FANCA: variants seen among roughly 807,000 people sequenced by gnomAD.
FANCA encodes the protein Fanconi anemia group A protein.
FANCA carries 236 observed loss-of-function variants against 194.3 expected under a neutral mutation model. That is an observed-to-expected ratio of 1.21 (90% confidence interval 1.09 to 1.35). The LOEUF is 1.35. Ranked by LOEUF, FANCA falls within the 40% of genes most tolerant of loss-of-function variation. The pLI, the probability that FANCA is intolerant of heterozygous loss-of-function variation, is 0.00. For missense variants in FANCA, 2,628 were observed against 1,813.9 expected, an observed-to-expected ratio of 1.45 and a Z score of -8.15; for synonymous variants, 1,014 against 715.8, an observed-to-expected ratio of 1.42 and a Z score of -6.65.
At position 89,766,505 on chromosome 16, in the gene FANCA, T is replaced by C. The variant is rs527734734; in HGVS notation, c.2601+636A>G. Among the ~76,000 whole-genome samples, 16 of 150,550 alleles carry C rather than the reference T, an allele frequency of 1.1e-4. 1 individual carries two copies. The South Asian group carries it at 3.2e-3, about 30-fold the overall frequency. On this transcript the variant is annotated intron_variant, in intron 27 of 42. Transcript: ENST00000389301. ...CGGGTGGATCACTTGAGGTCAGGAG[T>C]TCGAAAACAGCCTGGCCAACATGGT...
rs17227191 is a variant in FANCA, at chr16:89,746,798, A to G, written c.3408+33T>C. ...GAGGATCCACCCACGGCGTTCTGAG[A>G]AGGCCACGAGAGGGGCTGAGGGAGC... is the stretch of plus-strand genomic sequence containing the variant. On this transcript the variant is annotated intron_variant, in intron 34 of 42. Coordinates refer to ENST00000389301, the MANE Select transcript of FANCA (RefSeq NM_000135.4). 6,504 of 1,576,166 alleles carry G rather than the reference A, an allele frequency of 4.1e-3. 115 individuals carry two copies. In the African/African-American group the frequency reaches 0.055, roughly 13 times the overall value.
rs1439884558 is a variant in FANCA at position 89,805,507 on chromosome 16, G to A, written c.597-115C>T. ...GAGACAGTTTTTTGCTGTCACTGAG[G>A]CTGGAGTGCAGTGGCGCAATCAGTC... On this transcript the variant is annotated intron_variant, in intron 6 of 42. Coordinates refer to ENST00000389301, the MANE Select transcript of FANCA (RefSeq NM_000135.4). The A allele has an allele frequency of 1.1e-5, 8 of 739,522 alleles. 1 individual carries two copies. The East Asian group carries it at 2.0e-4, about 18-fold the overall frequency. 45.8% of individuals were successfully genotyped at this position (739,522 alleles called of 1,614,324 possible).
chr16:89,791,758 C>A, intron 13 of FANCA, 169 bp downstream of exon 13: 2 of 1,001,550 alleles, frequency 2.0e-6, no homozygotes, highest in Non-Finnish European at 3.0e-6. Context: ...GCAGTCAGTG[C>A]TTATGGAAGC....
rs143496635 is a variant in FANCA at position 89,786,577 on chromosome 16, A to G, written c.1360-1613T>C. The stretch of plus-strand genomic sequence containing the variant: ...AGTGATCCACCTGCCTCGGCCTTCC[A>G]AAGTGCTGGGATTACAGGCATGAAC... On this transcript the variant is annotated intron_variant, in intron 14 of 42. Transcript: ENST00000389301. Among the ~76,000 whole-genome samples the G allele has an allele frequency of 1.8e-3, 277 of 152,316 alleles. 1 individual carries two copies. The highest frequency in any genetic ancestry group is 4.6e-3 in the South Asian group (22 of 4,826).
chr16:89,808,337 G>T lies in FANCA; in HGVS notation c.553C>A (p.Leu185Ile), dbSNP rs587778323. The change falls in exon 6 of 43, where the codon CTT becomes ATT. Residue 185 changes from leucine (L) to isoleucine (I), a missense_variant. Physicochemically the swap from Leu to Ile is conservative, Grantham distance 5. Coordinates refer to ENST00000389301, the MANE Select transcript of FANCA (RefSeq NM_000135.4). ...AGGCTCACAATGCCTTGTACGTGAA[G>T]ATGCCACACCGCTTCAAGCAACAAA... ...SSLLLEAVWH[L>I]HVQGIVSLQE... 2.1e-5 allele frequency: 34 copies of T among 1,613,988 alleles called. 1 individual carries two copies. The highest frequency in any genetic ancestry group is 3.3e-4 in the Middle Eastern group (2 of 6,084).
At position 89,746,689 on chromosome 16, in the gene FANCA, C is replaced by G. The variant is rs1270069832; in HGVS notation, c.3409-1G>C. 1 of 1,613,946 alleles carries G rather than the reference C, an allele frequency of 6.2e-7. No individual in the cohort carries two copies. Among genetic ancestry groups the G allele is most frequent in the South Asian group, 1.1e-5 (1 of 91,066 alleles). On this transcript the variant is annotated splice_acceptor_variant, in intron 34 of 42. Transcript: ENST00000389301. LOFTEE classifies it high-confidence loss of function. The stretch of plus-strand genomic sequence containing the variant: ...TCCGCAGACAGGCGTTCAGGAGGCC[C>G]TGCAGGAGAGAACGCAGCAGGAGGT...
chr16:89,791,335 G>C (rs944248435), intron 14 of FANCA, 68 bp downstream of exon 14: 10 of 1,567,318 alleles, frequency 6.4e-6, no homozygotes, highest in East Asian at 2.3e-5. Flanking sequence ...GGTGGGGACA[G>C]CATGGTCCCC....
In FANCA at chr16:89,740,108, C is replaced by A. The variant is rs776077648; in HGVS notation, c.3829-9G>T. ...GGCAGGTCTGTGGTGCTCTGTAAACCGCAGGAGACCAACCCTGAGAATGGC... is the reference window on the plus strand; with the variant it reads ...GGCAGGTCTGTGGTGCTCTGTAAACAGCAGGAGACCAACCCTGAGAATGGC... On this transcript the variant is annotated splice_polypyrimidine_tract_variant and intron_variant, in intron 38 of 42. Coordinates refer to ENST00000389301, the MANE Select transcript of FANCA (RefSeq NM_000135.4). The A allele has an allele frequency of 4.3e-6, 7 of 1,612,690 alleles. No individual in the cohort carries two copies. Among genetic ancestry groups the A allele is most frequent in the African/African-American group, 1.3e-5 (1 of 74,872 alleles).
intron 26 of FANCA, among the ~76,000 whole-genome samples, chr16:89,768,483 C>T (rs1279381404): frequency 6.6e-6 from 1 of 152,048 alleles, no homozygotes; most frequent in Non-Finnish European, 1.5e-5. Context: ...TGGCAAAACC[C>T]CATCTCTACT....
intron 27 of FANCA, among the ~76,000 whole-genome samples, chr16:89,766,730 T>A (rs1392631470): frequency 1.3e-5 from 2 of 151,474 alleles, no homozygotes; most frequent in African/African-American, 4.9e-5. Flanking sequence ...AAAAAAAAAA[T>A]TCCTTTGTCT....
At chr16:89,793,241 C>T (rs12600229) in intron 11 of FANCA, among the ~76,000 whole-genome samples, 8,995 of 152,182 alleles carry the variant, frequency 0.059, 413 homozygotes, top group East Asian at 0.22. Flanking sequence ...GACCACGATC[C>T]GCTTGGTGAC....
chr16:89,773,958 A>G lies in FANCA; in HGVS notation c.1901-574T>C, dbSNP rs548515711. Among the ~76,000 whole-genome samples, 40 of 151,920 alleles carry G rather than the reference A, an allele frequency of 2.6e-4. No homozygotes were observed. The East Asian group carries it at 7.1e-3, about 27-fold the overall frequency. On this transcript the variant is annotated intron_variant, in intron 21 of 42. Coordinates refer to ENST00000389301, the MANE Select transcript of FANCA (RefSeq NM_000135.4). ...CTAATTTTTTGTATTTTTAGTAGAGACGGGATTTCACCACGTTGGCCAAGA... is the reference window on the plus strand; with the variant it reads ...CTAATTTTTTGTATTTTTAGTAGAGGCGGGATTTCACCACGTTGGCCAAGA...
intron 8 of FANCA, among the ~76,000 whole-genome samples, chr16:89,799,921 G>C (rs1406107462): frequency 1.3e-5 from 2 of 152,202 alleles, no homozygotes; most frequent in African/African-American, 4.8e-5. Context: ...GTGAACCCGG[G>C]AGGCAGAGCT....
chr16:89,809,552 A>C (rs1441803723), intron 5 of FANCA, among the ~76,000 whole-genome samples: 1 of 151,554 alleles, frequency 6.6e-6, no homozygotes, highest in Non-Finnish European at 1.5e-5. Flanking sequence ...CATCTCTACT[A>C]AAGATACAAA....
intron 11 of FANCA, among the ~76,000 whole-genome samples, chr16:89,795,024 C>T (rs995117888): frequency 4.6e-5 from 7 of 152,216 alleles, no homozygotes; most frequent in East Asian, 1.9e-4. Flanking sequence ...GCGGCACACG[C>T]CTGTAATCCC....
intron 8 of FANCA, 56 bp from the exon 9 acceptor site, chr16:89,799,694 A>AC (rs1389339742): frequency 7.0e-5 from 94 of 1,343,710 alleles, no homozygotes; most frequent in Non-Finnish European, 9.6e-5. Context: ...TTTGTGTGAT[A>AC]CCTGCATCAC....
chr16:89,742,780 A>G lies in FANCA; in HGVS notation c.3765+20T>C, dbSNP rs1378249659. On this transcript the variant is annotated intron_variant, in intron 37 of 42. Transcript: ENST00000389301. ...CAAGCTTGCGAGAAAATAAATCAGTAAAAGAATTTCCTATCTTGCCTCCTC... is the reference window on the plus strand; with the variant it reads ...CAAGCTTGCGAGAAAATAAATCAGTGAAAGAATTTCCTATCTTGCCTCCTC... The G allele has an allele frequency of 2.5e-6, 4 of 1,613,714 alleles. No homozygotes were observed. Among genetic ancestry groups the G allele is most frequent in the Non-Finnish European group, 2.5e-6 (3 of 1,179,808 alleles).
intron 28 of FANCA, among the ~76,000 whole-genome samples, chr16:89,763,114 G>C (rs922524339): frequency 1.3e-5 from 2 of 151,844 alleles, no homozygotes; most frequent in African/African-American, 4.8e-5. Flanking sequence ...GGGCGCGGTG[G>C]CGTGCACCTG....
At chr16:89,759,746 G>C (rs960067778) in intron 29 of FANCA, among the ~76,000 whole-genome samples, 1 of 152,240 alleles carries the variant, frequency 6.6e-6, no homozygotes, top group African/African-American at 2.4e-5. Context: ...GGCCAACAGA[G>C]TGAGACCCTG....
Sources: gnomAD v4.1 joint callset for allele counts (sites outside exome capture counted in the v4.1 genomes callset) on GRCh38, gnomAD v4.1.1 for gene constraint, MANE v1.5 for transcripts, NCBI Gene and HGNC (gene_info 2026-07-23, HGNC 2026-07-21) for gene names.